Variants in TNFAIP3 observed in about 807,000 individuals in gnomAD.
The protein encoded by TNFAIP3 is TNF alpha induced protein 3, also known as tumor necrosis factor alpha-induced protein 3.
Under a neutral mutation model 72.4 loss-of-function variants are expected in TNFAIP3, and 9 were observed. The ratio of observed to expected loss-of-function variants is 0.12; its 90% confidence interval spans 0.07 to 0.22. The LOEUF is 0.22. Ranked by LOEUF, TNFAIP3 falls within the 10% of genes least tolerant of loss-of-function variation. TNFAIP3 has a pLI of 1.00. For synonymous variants in TNFAIP3, 339 were observed against 372.6 expected (o/e 0.91, Z 1.04); for missense variants, 833 against 1,018.7 (o/e 0.82, Z 2.48).
In TNFAIP3 at chr6:137,880,222, T is replaced by C. The variant is rs1776402077; in HGVS notation, c.2058T>C (p.Phe686=). Reference sequence around the variant, plus strand: ...TCATTGAAGCTCAGAATCAGAGATTTCATGAGGCCAAAAGGACAGAAGAGC... The same window carrying C: ...TCATTGAAGCTCAGAATCAGAGATTCCATGAGGCCAAAAGGACAGAAGAGC... ...KCFIEAQNQR[F]HEAKRTEEQL... Residue 686 remains phenylalanine (F), a synonymous_variant, in exon 8 of 9, where the codon TTT becomes TTC. Transcript: ENST00000612899. 1 of 1,614,148 alleles carries C rather than the reference T, an allele frequency of 6.2e-7. No individual in the cohort carries two copies. The highest frequency in any genetic ancestry group is 8.5e-7 in the Non-Finnish European group (1 of 1,180,018).
chr6:137,870,648 A>C (rs907060068), intron 1 of TNFAIP3, among the ~76,000 whole-genome samples: 2 of 152,236 alleles, frequency 1.3e-5, no homozygotes, highest in African/African-American at 2.4e-5. Context: ...CAGCAGCCTA[A>C]GTGACAGCAT....
At chr6:137,870,117 AGTT>A (rs1776007763) in intron 1 of TNFAIP3, among the ~76,000 whole-genome samples, 1 of 152,070 alleles carries the variant, frequency 6.6e-6, no homozygotes, top group African/African-American at 2.4e-5. Context: ...TCCTTCTACT[AGTT>A]GATTATGCTT....
intron 5 of TNFAIP3, 87 bp downstream of exon 5, chr6:137,876,253 TTAAG>T: frequency 9.2e-7 from 1 of 1,085,552 alleles, no homozygotes; most frequent in Non-Finnish European, 1.3e-6. Context: ...ACAGTCTTAT[TTAAG>T]TATATTATTT....
Position 137,878,964 on chromosome 6 carries a change from A to G in TNFAIP3, c.1519A>G (p.Ser507Gly), listed in dbSNP as rs769339129. The change falls in exon 7 of 9, where the codon AGC (serine) becomes GGC (glycine). Residue 507 changes from serine to glycine, a missense_variant. Ser to Gly is a moderately conservative substitution (Grantham distance 56). Coordinates refer to ENST00000612899, the MANE Select transcript of TNFAIP3 (RefSeq NM_001270508.2). ...RCHNARQLHA[S>G]HAPDHTRHLD... ...CCACAACGCCCGGCAACTTCACGCC[A>G]GCCACGCCCCAGACCACACAAGGCA... The G allele has an allele frequency of 1.2e-6, 2 of 1,614,090 alleles. No individual in the cohort carries two copies. Among genetic ancestry groups the G allele is most frequent in the Admixed American group, 1.7e-5 (1 of 60,006 alleles).
intron 7 of TNFAIP3, 80 bp downstream of exon 7, chr6:137,879,431 C>A: frequency 6.8e-7 from 1 of 1,471,842 alleles, no homozygotes; most frequent in Non-Finnish European, 9.1e-7. Context: ...GAAAAAAAGC[C>A]CATGTAGGCA....
intron 3 of TNFAIP3, 98 bp from the exon 4 acceptor site, chr6:137,875,590 T>C: frequency 7.2e-7 from 1 of 1,383,640 alleles, no homozygotes; most frequent in Non-Finnish European, 9.9e-7. Context: ...ATAAGCTGAG[T>C]TATATAAATG....
At position 137,881,791 on chromosome 6, in the gene TNFAIP3, GC is replaced by G. The variant is rs1776474659; in HGVS notation, c.*475del. ...GAAGCCAGATCCTCATGGCAGCGAG[GC>G]CCTCTGCAAGAAGCTCAAGGAAGCT... On this transcript the variant is annotated 3_prime_UTR_variant, in exon 9 of 9. Transcript: ENST00000612899. This position sits in a 1 kb window ranked among gnomAD's most constrained non-coding sequence, Gnocchi z 5.0. The G allele has an allele frequency of 4.3e-6, 1 of 235,240 alleles. No homozygotes were observed. Among genetic ancestry groups the G allele is most frequent in the Non-Finnish European group, 8.4e-6 (1 of 119,558 alleles). The allele number at this position is 235,240 out of a possible 1,614,324, so 14.6% of individuals were successfully genotyped here.
chr6:137,877,823 G>A (rs1776299968), intron 6 of TNFAIP3, among the ~76,000 whole-genome samples: 1 of 152,154 alleles, frequency 6.6e-6, no homozygotes, highest in Non-Finnish European at 1.5e-5. Flanking sequence ...CACTTGAAAC[G>A]CACAACAGAT....
At chr6:137,877,676 A>G (rs1239726891) in intron 6 of TNFAIP3, among the ~76,000 whole-genome samples, 1 of 152,254 alleles carries the variant, frequency 6.6e-6, no homozygotes, top group Non-Finnish European at 1.5e-5. Context: ...TCAGACATAG[A>G]TGGAGCTGTA....
At position 137,882,694 on chromosome 6, in the gene TNFAIP3, T is replaced by C. The variant is rs1196006452; in HGVS notation, c.*1375T>C. The C allele has an allele frequency of 1.3e-5, 3 of 232,756 alleles. No homozygotes were observed. The South Asian group carries it at 5.4e-4, about 42-fold the overall frequency. 14.4% of individuals were successfully genotyped at this position (232,756 alleles called of 1,614,324 possible). On this transcript the variant is annotated 3_prime_UTR_variant, in exon 9 of 9. Coordinates refer to ENST00000612899, the MANE Select transcript of TNFAIP3 (RefSeq NM_001270508.2). Reference sequence around the variant, plus strand: ...AAGATGTGGCCTTTTGTGATGGTTTTATTTTCTGTTAACACTGTGTCCTGG... The same window carrying C: ...AAGATGTGGCCTTTTGTGATGGTTTCATTTTCTGTTAACACTGTGTCCTGG...
rs1158048891 is a variant in TNFAIP3 at position 137,883,235 on chromosome 6, T to C, written c.*1916T>C. On this transcript the variant is annotated 3_prime_UTR_variant, in exon 9 of 9. Transcript: ENST00000612899. ...CTAATAGAAAGCCACCTATTCTTTGTTGGATTTCTTCAAGTTTTTCTAAAT... is the reference window on the plus strand; with the variant it reads ...CTAATAGAAAGCCACCTATTCTTTGCTGGATTTCTTCAAGTTTTTCTAAAT... The C allele has an allele frequency of 7.2e-5, 14 of 194,690 alleles. No individual in the cohort carries two copies. The East Asian group carries it at 1.1e-3, about 15-fold the overall frequency. The allele number at this position is 194,690 out of a possible 1,614,324, so 12.1% of individuals were successfully genotyped here.
In TNFAIP3 at chr6:137,880,161, G is replaced by A. The variant is rs770724964; in HGVS notation, c.1997G>A (p.Gly666Glu). Residue 666 changes from glycine (G) to glutamate (E), a missense_variant, in exon 8 of 9, where the codon GGA becomes GAA. Coordinates refer to ENST00000612899, the MANE Select transcript of TNFAIP3 (RefSeq NM_001270508.2). Reference protein sequence around the residue: ...PCLGRECGTLGSTMFEGYCQK... With the variant: ...PCLGRECGTLESTMFEGYCQK... Reference sequence around the variant, plus strand: ...CTGGGGAGGGAATGCGGCACCCTTGGAAGCACCATGTTTGAAGGATACTGC... The same window carrying A: ...CTGGGGAGGGAATGCGGCACCCTTGAAAGCACCATGTTTGAAGGATACTGC... The A allele has an allele frequency of 1.9e-6, 3 of 1,614,148 alleles. No homozygotes were observed. Among genetic ancestry groups the A allele is most frequent in the Non-Finnish European group, 8.5e-7 (1 of 1,180,014 alleles).
rs1033347445 is a variant in TNFAIP3 at position 137,881,851 on chromosome 6, A to T, written c.*532A>T. On this transcript the variant is annotated 3_prime_UTR_variant, in exon 9 of 9. Transcript: ENST00000612899. The surrounding 1 kb of genome is among the most constrained non-coding windows in gnomAD (Gnocchi z 5.0). ...ATGGACGTATTCAGAGAGTGTTTGTAGTTCATGGTTTTTCCCTACCTGCCC... is the reference window on the plus strand; with the variant it reads ...ATGGACGTATTCAGAGAGTGTTTGTTGTTCATGGTTTTTCCCTACCTGCCC... 5 of 232,720 alleles carry T rather than the reference A, an allele frequency of 2.1e-5. No individual in the cohort carries two copies. Among genetic ancestry groups the T allele is most frequent in the African/African-American group, 1.1e-4 (5 of 45,288 alleles). The allele number at this position is 232,720 out of a possible 1,614,324, so 14.4% of individuals were successfully genotyped here. A position where few individuals can be genotyped will look rare whatever the true frequency, so the allele number is the denominator to read the frequency against.
In TNFAIP3 at chr6:137,879,327, T is replaced by A; in HGVS notation, c.1882T>A (p.Phe628Ile). The change falls in exon 7 of 9, where the codon TTC becomes ATC. Residue 628 changes from phenylalanine to isoleucine, a missense_variant. Around this residue, in one of 2 missense-constraint regions of TNFAIP3, gnomAD observed 587 missense variants for 657.8 expected, o/e 0.89. Transcript: ENST00000612899. ...AAACAAGGGCTTTTGCACACTGTGTTTCATCGAGTACAGAGAAAACAAACG... is the reference window on the plus strand; with the variant it reads ...AAACAAGGGCTTTTGCACACTGTGTATCATCGAGTACAGAGAAAACAAACG... ...PENKGFCTLC[F>I]IEYRENKHFA... 6.2e-7 allele frequency: 1 copy of A among 1,613,906 alleles called. No individual in the cohort carries two copies. The highest frequency in any genetic ancestry group is 8.5e-7 in the Non-Finnish European group (1 of 1,179,880).
chr6:137,868,778 G>A (rs1775930438), intron 1 of TNFAIP3, among the ~76,000 whole-genome samples: 1 of 152,048 alleles, frequency 6.6e-6, no homozygotes, highest in Admixed American at 6.6e-5. Context: ...TTAATCTTAA[G>A]CGTAGAGTGG....
At chr6:137,877,505 A>G (rs1776292479) in intron 6 of TNFAIP3, among the ~76,000 whole-genome samples, 1 of 152,258 alleles carries the variant, frequency 6.6e-6, no homozygotes, top group African/African-American at 2.4e-5. Flanking sequence ...CCCAAAAGTC[A>G]GAATTGCAGA....
chr6:137,874,266 A>G (rs1290707617), intron 2 of TNFAIP3, among the ~76,000 whole-genome samples: 1 of 152,208 alleles, frequency 6.6e-6, no homozygotes, highest in Non-Finnish European at 1.5e-5. Flanking sequence ...TGTTGTCAAT[A>G]CGACTTTCCA....
intron 8 of TNFAIP3, among the ~76,000 whole-genome samples, 159 bp from the exon 9 acceptor site, chr6:137,880,876 C>T (rs542617155): frequency 6.6e-6 from 1 of 152,172 alleles, no homozygotes; most frequent in Non-Finnish European, 1.5e-5. Flanking sequence ...TTCGAGAGCT[C>T]TGGCTCATAG....
chr6:137,882,472 C>T lies in TNFAIP3; in HGVS notation c.*1153C>T. 4.3e-6 allele frequency: 1 copy of T among 232,848 alleles called. No homozygotes were observed. The highest frequency in any genetic ancestry group is 8.5e-6 in the Non-Finnish European group (1 of 117,694). The allele number at this position is 232,848 out of a possible 1,614,324, so 14.4% of individuals were successfully genotyped here. On this transcript the variant is annotated 3_prime_UTR_variant, in exon 9 of 9. Transcript: ENST00000612899. ...AATTGGCCTCTTTGATACACTTTTG[C>T]TTGCCTCCCCAGGAAAGAAGGAATT...
Sources: gnomAD v4.1 joint callset for allele counts (sites outside exome capture counted in the v4.1 genomes callset) on GRCh38, gnomAD v4.1.1 for gene constraint, gnomAD v4.1.1 regional missense constraint, Gnocchi (gnomAD v3.1) non-coding constraint, MANE v1.5 for transcripts, NCBI Gene and HGNC (gene_info 2026-07-23, HGNC 2026-07-21) for gene names.